The following SFMBT1 variants were observed in gnomAD, a reference collection of about 807,000 sequenced individuals.
SFMBT1 encodes the protein scm-like with four MBT domains protein 1.
In SFMBT1, 32 loss-of-function variants were observed where a neutral mutation model predicts 108.7. The ratio of observed to expected loss-of-function variants is 0.29; its 90% CI spans 0.22 to 0.40. The LOEUF (loss-of-function observed/expected upper bound fraction) is 0.40, where lower values mean the gene tolerates loss of function less well. Ranked by LOEUF, SFMBT1 falls within the 10% of genes least tolerant of loss-of-function variation. SFMBT1 has a pLI of 1.00. For synonymous variants in SFMBT1, 348 were observed against 369.5 expected, an observed-to-expected ratio of 0.94 and a Z score of 0.67; for missense variants, 816 against 1,059.6, an observed-to-expected ratio of 0.77 and a Z score of 3.19.
chr3:52,967,401 G>A (rs1341787510), intron 2 of SFMBT1, among the ~76,000 whole-genome samples: 1 of 152,112 alleles, frequency 6.6e-6, no homozygotes, highest in Non-Finnish European at 1.5e-5. Flanking sequence ...AGTAGATTAT[G>A]GATGTCAGAG....
chr3:52,996,866 G>A (rs1698352123), intron 1 of SFMBT1, among the ~76,000 whole-genome samples: 1 of 149,778 alleles, frequency 6.7e-6, no homozygotes, highest in African/African-American at 2.4e-5. Context: ...TCAGGAGATT[G>A]AGACCATCCT....
chr3:53,042,206 T>A (rs1362825388), intron 1 of SFMBT1, among the ~76,000 whole-genome samples: 3 of 152,246 alleles, frequency 2.0e-5, no homozygotes, highest in African/African-American at 7.2e-5. Flanking sequence ...TAGTTCATCT[T>A]TTCTACAGAC....
intron 1 of SFMBT1, among the ~76,000 whole-genome samples, chr3:52,985,550 T>C (rs915264779): frequency 2.9e-4 from 44 of 152,358 alleles, no homozygotes; most frequent in African/African-American, 1.0e-3. Context: ...CATACAATGA[T>C]AATTCCATTT....
chr3:52,962,219 A>C (rs1209843432), intron 2 of SFMBT1, among the ~76,000 whole-genome samples: 1 of 152,256 alleles, frequency 6.6e-6, no homozygotes, highest in Non-Finnish European at 1.5e-5. Flanking sequence ...CTTTTGATCC[A>C]GCAATCCCAC....
At chr3:52,950,306 T>G (rs556078017) in intron 3 of SFMBT1, among the ~76,000 whole-genome samples, 57 of 152,354 alleles carry the variant, frequency 3.7e-4, no homozygotes, top group African/African-American at 1.2e-3. Context: ...ACAATATACA[T>G]TTAAACTAAT....
intron 1 of SFMBT1, chr3:53,043,274 A>T (rs60581020): frequency 6.6e-6 from 1 of 152,244 alleles, no homozygotes; most frequent in African/African-American, 2.4e-5. Flanking sequence ...GGGTTAATAA[A>T]AAAAAAAAGG....
intron 1 of SFMBT1, among the ~76,000 whole-genome samples, chr3:53,040,719 C>T (rs976132520): frequency 1.3e-5 from 2 of 151,970 alleles, no homozygotes; most frequent in African/African-American, 2.4e-5. Context: ...ACATGCTTGG[C>T]TCACTGAAGT....
intron 1 of SFMBT1, among the ~76,000 whole-genome samples, chr3:53,025,731 A>C (rs574794680): frequency 6.6e-6 from 1 of 152,330 alleles, no homozygotes; most frequent in African/African-American, 2.4e-5. Flanking sequence ...TTGCCTTGGT[A>C]ACTCTAGCCT....
rs1229098541 is a variant in SFMBT1, at chr3:53,025,622, G to GA, written c.-131+20193dup. On this transcript the variant is annotated intron_variant, in intron 1 of 20. Coordinates refer to ENST00000394752, the MANE Select transcript of SFMBT1 (RefSeq NM_016329.4). ...CAGAGTGAACCCCGTCTTAAAAAAA[G>GA]AAAAAAAAAGAAATTCAACACTGTG... Among the ~76,000 whole-genome samples the GA allele has an allele frequency of 5.4e-4, 81 of 149,686 alleles. 2 individuals are homozygous for GA. In the South Asian group the frequency reaches 0.015, roughly 28 times the overall value.
chr3:52,925,425 CAG>C (rs1474533640), intron 10 of SFMBT1, among the ~76,000 whole-genome samples: 1 of 152,136 alleles, frequency 6.6e-6, no homozygotes, highest in Non-Finnish European at 1.5e-5. Flanking sequence ...CACCATAAGA[CAG>C]GGTGAATTTA....
intron 14 of SFMBT1, among the ~76,000 whole-genome samples, chr3:52,914,327 A>C (rs1702289282): frequency 6.6e-6 from 1 of 152,234 alleles, no homozygotes; most frequent in Admixed American, 6.5e-5. Flanking sequence ...AAGCACAGAG[A>C]AGCTCTTCTA....
At chr3:52,920,723 A>T (rs1265639238) in intron 11 of SFMBT1, 73 bp from the exon 12 acceptor site, 1 of 885,116 alleles carries the variant, frequency 1.1e-6, no homozygotes, top group Non-Finnish European at 1.8e-6. Flanking sequence ...CCTTCTTCAT[A>T]AACTATTTTC....
chr3:52,932,161 T>G lies in SFMBT1; in HGVS notation c.601A>C (p.Ser201Arg). 1.9e-6 allele frequency: 3 copies of G among 1,614,184 alleles called. No individual in the cohort carries two copies. Among genetic ancestry groups the G allele is most frequent in the Non-Finnish European group, 2.5e-6 (3 of 1,180,032 alleles). Reference protein sequence around the residue: ...RLKLRYEGLESSDNYEHWLYY... With the variant: ...RLKLRYEGLERSDNYEHWLYY... ...AACCAATGTTCATAATTGTCAGAAC[T>G]TTCAAGTCCTTCATAACGTAGCTTC... The change falls in exon 6 of 21, where the codon AGT (serine) becomes CGT (arginine). Residue 201 changes from serine to arginine, a missense_variant. Around this residue, in one of 5 missense-constraint regions of SFMBT1, gnomAD observed 495 missense variants for 607.4 expected, o/e 0.81. Coordinates refer to ENST00000394752, the MANE Select transcript of SFMBT1 (RefSeq NM_016329.4).
intron 1 of SFMBT1, among the ~76,000 whole-genome samples, chr3:53,038,104 C>A (rs1204228495): frequency 1.3e-5 from 2 of 148,314 alleles, no homozygotes; most frequent in African/African-American, 2.5e-5. Context: ...AACTTTGTCT[C>A]AAAAAAAAAA....
chr3:52,963,888 G>A (rs1264920145), intron 2 of SFMBT1, among the ~76,000 whole-genome samples: 1 of 152,212 alleles, frequency 6.6e-6, no homozygotes, highest in Non-Finnish European at 1.5e-5. Context: ...AAAATAATTA[G>A]AGGACTTCTA....
At chr3:53,010,893 T>C (rs1698919177) in intron 1 of SFMBT1, among the ~76,000 whole-genome samples, 1 of 152,218 alleles carries the variant, frequency 6.6e-6, no homozygotes, top group African/African-American at 2.4e-5. Flanking sequence ...TTCGGAACTG[T>C]CTTCCACTCA....
At chr3:53,009,128 GA>G (rs975728892) in intron 1 of SFMBT1, among the ~76,000 whole-genome samples, 4 of 151,280 alleles carry the variant, frequency 2.6e-5, no homozygotes, top group African/African-American at 4.8e-5. Context: ...GGAAGAAAAT[GA>G]AAAAAGAAAA....
At chr3:52,955,395 G>A (rs1443019418) in intron 2 of SFMBT1, among the ~76,000 whole-genome samples, 1 of 151,432 alleles carries the variant, frequency 6.6e-6, no homozygotes, top group Admixed American at 6.6e-5. Flanking sequence ...CCTGGGTGAC[G>A]GAGCGAGACT....
chr3:52,949,655 C>T (rs542118305), intron 3 of SFMBT1, among the ~76,000 whole-genome samples: 6 of 148,094 alleles, frequency 4.1e-5, no homozygotes, highest in South Asian at 4.4e-4. Flanking sequence ...CTCGGCTCAC[C>T]GCAACCTCCG....
Sources: allele counts gnomAD v4.1 joint callset (sites outside exome capture counted in the v4.1 genomes callset), GRCh38; gene constraint gnomAD v4.1.1; regional missense constraint gnomAD v4.1.1; transcripts MANE v1.5; gene names NCBI Gene and HGNC (gene_info 2026-07-23, HGNC 2026-07-21).